The following GLIS3 variants were observed in gnomAD, a reference collection of about 807,000 sequenced individuals.
GLIS3 encodes the protein zinc finger protein GLIS3.
A neutral mutation model predicts 78.6 loss-of-function variants in GLIS3; 53 were observed. That is an observed-to-expected ratio of 0.67 (90% CI 0.54 to 0.85). The LOEUF (loss-of-function observed/expected upper bound fraction) is 0.85, where lower values mean the gene tolerates loss of function less well. GLIS3 is among the 40% of genes least tolerant of loss of function. The probability of loss-of-function intolerance (pLI) is 0.00; values close to 1 mark genes in which losing one functional copy is unlikely to be tolerated. For missense variants in GLIS3, 1,703 were observed against 1,231.1 expected (o/e 1.38, Z -5.74); for synonymous variants, 684 against 509.9 (o/e 1.34, Z -4.60).
At chr9:3,953,848 C>A (rs1391965219) in intron 4 of GLIS3, among the ~76,000 whole-genome samples, 1 of 151,070 alleles carries the variant, frequency 6.6e-6, no homozygotes. Context: ...TACACACAGA[C>A]ACAGTCACAC....
chr9:4,149,420 C>T (rs1834494350), intron 2 of GLIS3, among the ~76,000 whole-genome samples: 1 of 152,164 alleles, frequency 6.6e-6, no homozygotes, highest in Admixed American at 6.5e-5. Context: ...TTCCCTTAAC[C>T]ATCACCTCCC....
intron 6 of GLIS3, among the ~76,000 whole-genome samples, chr9:3,909,684 A>G (rs946235451): frequency 1.3e-5 from 2 of 152,220 alleles, no homozygotes; most frequent in Admixed American, 1.3e-4. Context: ...GTATGGACAC[A>G]ACAAAACTAA....
At chr9:4,369,573 G>T in the GLIS3 span, among the ~76,000 whole-genome samples, 1 of 152,194 alleles carries the variant, frequency 6.6e-6, no homozygotes, top group Non-Finnish European at 1.5e-5. Flanking sequence ...CTCAGGTGTA[G>T]TCCTGGCTCT....
At chr9:4,484,236 T>A in the GLIS3 span, among the ~76,000 whole-genome samples, 1 of 140,972 alleles carries the variant, frequency 7.1e-6, no homozygotes, top group Admixed American at 7.0e-5. Flanking sequence ...ACTTTTTTTT[T>A]TTATTTTTTT....
intron 2 of GLIS3, among the ~76,000 whole-genome samples, chr9:4,164,532 T>G (rs940668893): frequency 1.3e-5 from 2 of 152,014 alleles, no homozygotes; most frequent in Non-Finnish European, 2.9e-5. Flanking sequence ...TGTGAAAGGG[T>G]CAGACTTTCT....
the GLIS3 span, among the ~76,000 whole-genome samples, chr9:4,389,049 T>A: frequency 6.6e-6 from 1 of 152,130 alleles, no homozygotes; most frequent in African/African-American, 2.4e-5. Flanking sequence ...CCGACTGAGG[T>A]GCCACAGCCT....
chr9:4,266,134 G>A (rs1025997853), intron 2 of GLIS3, among the ~76,000 whole-genome samples: 10 of 151,686 alleles, frequency 6.6e-5, no homozygotes, highest in Non-Finnish European at 1.3e-4. Context: ...TATCCAGGAT[G>A]GTCTCGATCT....
intron 4 of GLIS3, among the ~76,000 whole-genome samples, chr9:4,037,659 A>G (rs1487301362): frequency 6.6e-6 from 1 of 151,996 alleles, no homozygotes; most frequent in Non-Finnish European, 1.5e-5. Context: ...CTAGGAGATA[A>G]ATTTCTCAGA....
chr9:4,126,468 G>A (rs1334767870), intron 2 of GLIS3, among the ~76,000 whole-genome samples: 1 of 141,328 alleles, frequency 7.1e-6, no homozygotes, highest in East Asian at 2.0e-4. Flanking sequence ...CATTGTCATT[G>A]GACATCTACT....
the GLIS3 span, among the ~76,000 whole-genome samples, chr9:4,403,960 G>C: frequency 6.6e-6 from 1 of 152,056 alleles, no homozygotes; most frequent in Non-Finnish European, 1.5e-5. Flanking sequence ...AAGATCCAAT[G>C]ATCTGTTGCC....
chr9:4,162,660 T>G (rs113543115), intron 2 of GLIS3, among the ~76,000 whole-genome samples: 6,195 of 151,834 alleles, frequency 0.041, 196 homozygotes, highest in Non-Finnish European at 0.063. Context: ...ATCGAGACCA[T>G]CCTGGCTAAC....
intron 2 of GLIS3, among the ~76,000 whole-genome samples, chr9:4,129,484 G>C (rs1832806886): frequency 6.6e-6 from 1 of 152,008 alleles, no homozygotes; most frequent in Non-Finnish European, 1.5e-5. Flanking sequence ...CCATCCTTTG[G>C]TGCTGTTTTC....
chr9:4,144,573 C>G (rs1032132173), intron 2 of GLIS3, among the ~76,000 whole-genome samples: 2 of 151,970 alleles, frequency 1.3e-5, no homozygotes, highest in Non-Finnish European at 2.9e-5. Context: ...TGGTTAAGGG[C>G]AAGAAGGAAC....
chr9:4,333,878 A>G (rs2130571104), intron 2 of GLIS3, among the ~76,000 whole-genome samples: 1 of 152,316 alleles, frequency 6.6e-6, no homozygotes, highest in East Asian at 1.9e-4. Flanking sequence ...GATTTCAGGC[A>G]ACGCCAGGGA....
At chr9:4,105,628 T>A (rs375150594) in intron 4 of GLIS3, among the ~76,000 whole-genome samples, 4 of 152,218 alleles carry the variant, frequency 2.6e-5, no homozygotes, top group South Asian at 2.1e-4. Flanking sequence ...CCTGACTCTG[T>A]GGTCTAGTGA....
chr9:4,088,281 A>G lies in GLIS3; in HGVS notation c.1710+29487T>C, dbSNP rs559866531. On this transcript the variant is annotated intron_variant, in intron 4 of 10. Coordinates refer to ENST00000381971, the MANE Select transcript of GLIS3 (RefSeq NM_001042413.2). ...CTTTTGGGAGAAGGCATTGGTTTTT[A>G]TTTACCTTTGCAGTCCTGTGGGTCT... is the stretch of plus-strand genomic sequence containing the variant. Among the ~76,000 whole-genome samples, 3 of 152,322 alleles carry G rather than the reference A, an allele frequency of 2.0e-5. No homozygotes were observed. The South Asian group carries it at 6.2e-4, about 32-fold the overall frequency.
intron 2 of GLIS3, among the ~76,000 whole-genome samples, chr9:4,269,328 C>A (rs187978006): frequency 6.6e-6 from 1 of 151,838 alleles, no homozygotes; most frequent in East Asian, 1.9e-4. Context: ...GTGACAAGAC[C>A]TGTCCCACCA....
At chr9:4,349,287 TTATGC>T (rs1817932484), upstream of GLIS3, among the ~76,000 whole-genome samples, 1 of 152,246 alleles carries the variant, frequency 6.6e-6, no homozygotes, top group Non-Finnish European at 1.5e-5. Context: ...TTTAAATATT[TTATGC>T]AACCATATTT....
rs1029133857 is a variant in GLIS3 at position 4,207,293 on chromosome 9, A to C, written c.388+78745T>G. Among the ~76,000 whole-genome samples the C allele has an allele frequency of 4.6e-5, 7 of 152,342 alleles. No individual in the cohort carries two copies. In the East Asian group the frequency reaches 1.4e-3, roughly 29 times the overall value. On this transcript the variant is annotated intron_variant, in intron 2 of 10. Coordinates refer to ENST00000381971, the MANE Select transcript of GLIS3 (RefSeq NM_001042413.2). ...CCAGCCCCACTAAACTTAAGGATGC[A>C]CACAAAATATTTACAACAGCCAGCA...
Sources: gnomAD v4.1 joint callset for allele counts (sites outside exome capture counted in the v4.1 genomes callset) on GRCh38, gnomAD v4.1.1 for gene constraint, MANE v1.5 for transcripts, NCBI Gene and HGNC (gene_info 2026-07-23, HGNC 2026-07-21) for gene names.